Variants in NHS observed in about 807,000 individuals in gnomAD.
The protein encoded by NHS is actin remodeling regulator NHS.
Under a neutral mutation model 72.5 loss-of-function variants are expected in NHS, and 5 were observed. The ratio of observed to expected loss-of-function variants is 0.07; its 90% confidence interval spans 0.04 to 0.14. NHS has a LOEUF of 0.14. NHS is among the 10% of genes least tolerant of loss of function. The pLI, the probability that NHS is intolerant of heterozygous loss-of-function variation, is 1.00. For missense variants in NHS, 1,072 were observed against 1,355.7 expected, an observed-to-expected ratio of 0.79 and a Z score of 3.29; for synonymous variants, 464 against 547.7, an observed-to-expected ratio of 0.85 and a Z score of 2.13.
chrX:17,501,051 C>A (rs947935581), intron 1 of NHS, among the ~76,000 whole-genome samples: 2 of 111,429 alleles, frequency 1.8e-5, no homozygotes, highest in African/African-American at 6.5e-5. Flanking sequence ...TAGACCAGAG[C>A]TAATAGCCCT....
At chrX:17,558,782 C>T (rs1294192304) in intron 1 of NHS, among the ~76,000 whole-genome samples, 1 of 112,181 alleles carries the variant, frequency 8.9e-6, no homozygotes, top group Non-Finnish European at 1.9e-5. Flanking sequence ...ATGCTATGTA[C>T]CCCTTCATGA....
At chrX:17,715,301 C>T (rs1000123947) in intron 3 of NHS, among the ~76,000 whole-genome samples, 1 of 112,464 alleles carries the variant, frequency 8.9e-6, no homozygotes, top group Non-Finnish European at 1.9e-5. Flanking sequence ...TCCTGAGTTA[C>T]TTCACTTAGA....
intron 1 of NHS, among the ~76,000 whole-genome samples, chrX:17,494,322 A>G (rs753567143): frequency 6.3e-5 from 7 of 111,184 alleles, no homozygotes; most frequent in Non-Finnish European, 7.5e-5. Context: ...CAAGTGATCC[A>G]TCTGCCTTGG....
intron 1 of NHS, among the ~76,000 whole-genome samples, chrX:17,637,724 G>A (rs911136255): frequency 8.9e-6 from 1 of 112,212 alleles, no homozygotes; most frequent in Non-Finnish European, 1.9e-5. Context: ...GAGTTACTCT[G>A]ATCTTCACCA....
chrX:17,600,949 A>G (rs984696578), intron 1 of NHS, among the ~76,000 whole-genome samples: 2 of 112,051 alleles, frequency 1.8e-5, no homozygotes, highest in Admixed American at 1.9e-4. Context: ...CCAAGATCAA[A>G]CCTCTAGGAA....
intron 1 of NHS, among the ~76,000 whole-genome samples, chrX:17,570,708 T>C (rs1451110641): frequency 8.9e-6 from 1 of 111,816 alleles, no homozygotes; most frequent in Non-Finnish European, 1.9e-5. Flanking sequence ...AATACTATGT[T>C]GAATAGGAGC....
intron 1 of NHS, among the ~76,000 whole-genome samples, chrX:17,402,858 A>G (rs928254907): frequency 1.8e-5 from 2 of 112,258 alleles, no homozygotes; most frequent in African/African-American, 6.5e-5. Flanking sequence ...AGGGGGCTTG[A>G]GGAAAATGTT....
At chrX:17,575,386 A>C (rs1433035576) in intron 1 of NHS, among the ~76,000 whole-genome samples, 8 of 112,602 alleles carry the variant, frequency 7.1e-5, no homozygotes, top group Non-Finnish European at 1.5e-4. Context: ...ACCAGTTTTT[A>C]AAATACATCA....
intron 3 of NHS, among the ~76,000 whole-genome samples, chrX:17,710,963 G>A (rs2066326349): frequency 8.9e-6 from 1 of 111,915 alleles, no homozygotes; most frequent in Non-Finnish European, 1.9e-5. Flanking sequence ...GTTACCACAC[G>A]CCTCTGACTT....
chrX:17,410,386 G>A lies in NHS; in HGVS notation c.565+34064G>A, dbSNP rs1569248110. Among the ~76,000 whole-genome samples, 4 of 111,172 alleles carry A rather than the reference G, an allele frequency of 3.6e-5. No individual in the cohort carries two copies. The East Asian group carries it at 1.1e-3, about 31-fold the overall frequency. ...AAGCATGGCGAGTTGATGATGGGGA[G>A]TGTAGAAAGAGTCAGGACCTTGCGT... On this transcript the variant is annotated intron_variant, in intron 1 of 8. Transcript: ENST00000676302.
chrX:17,432,424 AAATATTTGTTGAATGAACAATGAATG>A (rs1226179531), intron 1 of NHS, among the ~76,000 whole-genome samples: 1 of 112,791 alleles, frequency 8.9e-6, no homozygotes, highest in Admixed American at 9.4e-5. Flanking sequence ...GATACTCAAT[AAATATTTGTTGAATGAACAATGAATG>A]AATATTTGTT....
At chrX:17,459,800 A>G (rs1026523123) in intron 1 of NHS, among the ~76,000 whole-genome samples, 8 of 111,567 alleles carry the variant, frequency 7.2e-5, no homozygotes, top group Non-Finnish European at 1.3e-4. Context: ...GTTTTAAGGA[A>G]TCTCCCTTCC....
intron 1 of NHS, among the ~76,000 whole-genome samples, chrX:17,516,256 A>G (rs887002072): frequency 9.0e-6 from 1 of 111,571 alleles, no homozygotes; most frequent in Non-Finnish European, 1.9e-5. Context: ...CCAAAGCCAT[A>G]TGTGACAACT....
At chrX:17,543,498 G>T (rs1456865738) in intron 1 of NHS, among the ~76,000 whole-genome samples, 1 of 112,157 alleles carries the variant, frequency 8.9e-6, no homozygotes, top group East Asian at 2.8e-4. Context: ...TCCAGTCACA[G>T]ATAAGTATGG....
intron 1 of NHS, among the ~76,000 whole-genome samples, chrX:17,463,852 C>T (rs903279667): frequency 4.5e-5 from 5 of 111,999 alleles, no homozygotes; most frequent in Admixed American, 3.8e-4. Flanking sequence ...AGGGCCTGAT[C>T]GAATGCTGAT....
In NHS at chrX:17,723,770, T is replaced by TGTGTGTGTGTGTGC. The variant is rs541219770; in HGVS notation, c.1109-528_1109-527insTGTGTGTGTGTGCG. Among the ~76,000 whole-genome samples the TGTGTGTGTGTGTGC allele has an allele frequency of 3.2e-3, 289 of 91,252 alleles. 1 individual carries two copies. Among genetic ancestry groups the TGTGTGTGTGTGTGC allele is most frequent in the African/African-American group, 7.1e-3 (141 of 19,770 alleles). 79.2% of individuals were successfully genotyped at this position (91,252 alleles called of 115,157 possible). Reference sequence around the variant, plus strand: ...GTGTGTGTGTGTGTGTGTGTGTGTGTGCGCGCGCGTGCGCGCATGGGGAAT... The same window carrying TGTGTGTGTGTGTGC: ...GTGTGTGTGTGTGTGTGTGTGTGTGTGTGTGTGTGTGTGCGCGCGCGCGTGCGCGCATGGGGAAT... On this transcript the variant is annotated intron_variant, in intron 5 of 8. Transcript: ENST00000676302.
intron 1 of NHS, among the ~76,000 whole-genome samples, chrX:17,578,189 C>A (rs1468016389): frequency 8.9e-6 from 1 of 112,570 alleles, no homozygotes; most frequent in Non-Finnish European, 1.9e-5. Flanking sequence ...TAATGATGTT[C>A]TTTAATTATG....
At chrX:17,535,126 C>T (rs1055752739) in intron 1 of NHS, among the ~76,000 whole-genome samples, 2 of 111,938 alleles carry the variant, frequency 1.8e-5, no homozygotes, top group East Asian at 2.8e-4. Flanking sequence ...TTCCCTTCCC[C>T]GTCTCACTTA....
intron 1 of NHS, among the ~76,000 whole-genome samples, chrX:17,545,194 G>A (rs1240430398): frequency 3.6e-5 from 4 of 112,622 alleles, no homozygotes. Context: ...GTGATGGCCA[G>A]GGCTAGAGAT....
Sources: allele counts gnomAD v4.1 joint callset (sites outside exome capture counted in the v4.1 genomes callset), GRCh38; gene constraint gnomAD v4.1.1; transcripts MANE v1.5; gene names NCBI Gene and HGNC (gene_info 2026-07-23, HGNC 2026-07-21).